Variants in TTN observed in about 807,000 individuals in gnomAD.
The protein encoded by TTN is connectin.
TTN carries 1,525 observed loss-of-function variants against 3,223.0 expected under a neutral mutation model. That is an observed-to-expected ratio of 0.47 (90% CI 0.45 to 0.49). The LOEUF (loss-of-function observed/expected upper bound fraction) is 0.49, where lower values mean the gene tolerates loss of function less well. Ranked by LOEUF, TTN falls within the 20% of genes least tolerant of loss-of-function variation. The pLI, the probability that TTN is intolerant of heterozygous loss-of-function variation, is 0.00. For synonymous variants in TTN, 14,094 were observed against 15,161.0 expected, an observed-to-expected ratio of 0.93 and a Z score of 5.17; for missense variants, 40,786 against 43,424.0, an observed-to-expected ratio of 0.94 and a Z score of 5.40.
chr2:178,784,308 A>G lies in TTN; in HGVS notation c.2537T>C (p.Leu846Ser), dbSNP rs761010117. ...CTTCTGAGCAGAAGATGTGGCTGACAACTCTTTTTGTAATGTGGCAATAGC... is the reference window on the plus strand; with the variant it reads ...CTTCTGAGCAGAAGATGTGGCTGACGACTCTTTTTGTAATGTGGCAATAGC... ...GSAIATLQKE[L>S]SATSSAQKIT... The change falls in exon 16 of 363, where the codon TTG becomes TCG. Residue 846 changes from leucine (L) to serine (S), a missense_variant. Coordinates refer to ENST00000589042, the MANE Select transcript of TTN (RefSeq NM_001267550.2). The G allele has an allele frequency of 6.2e-7, 1 of 1,614,144 alleles. No homozygotes were observed. The highest frequency in any genetic ancestry group is 1.7e-5 in the Admixed American group (1 of 60,022).
In TTN at chr2:178,735,736, T is replaced by C; in HGVS notation, c.14710A>G (p.Lys4904Glu). Residue 4904 changes from lysine (K) to glutamate (E), a missense_variant, in exon 50 of 363, where the codon AAG becomes GAG. By Grantham distance (56) the Lys-to-Glu change is moderately conservative. Transcript: ENST00000589042. ...TCTACTTGGCACTCAAGGTGGACCTTCTTATTGATAGCGGACTGCACAGGC... is the reference window on the plus strand; with the variant it reads ...TCTACTTGGCACTCAAGGTGGACCTCCTTATTGATAGCGGACTGCACAGGC... Reference protein sequence around the residue: ...LEPVQSAINKKVHLECQVDED... With the variant: ...LEPVQSAINKEVHLECQVDED... The C allele has an allele frequency of 1.9e-6, 3 of 1,613,830 alleles. No individual in the cohort carries two copies. Among genetic ancestry groups the C allele is most frequent in the Non-Finnish European group, 2.5e-6 (3 of 1,179,800 alleles).
At chr2:178,625,141 G>C (rs2058835585) in intron 241 of TTN, 132 bp downstream of exon 241, 21 of 1,307,118 alleles carry the variant, frequency 1.6e-5, no homozygotes, top group Non-Finnish European at 2.2e-5. Context: ...ATGCTAAAAA[G>C]TAAAATCAGA....
chr2:178,650,658 C>A, intron 209 of TTN, 93 bp downstream of exon 209: 1 of 1,194,618 alleles, frequency 8.4e-7, no homozygotes, highest in South Asian at 1.6e-5. Context: ...AGAAAATGAC[C>A]AAGAAATAAT....
chr2:178,582,700 C>T, intron 313 of TTN, 108 bp from the exon 314 acceptor site: 3 of 1,151,010 alleles, frequency 2.6e-6, no homozygotes, highest in South Asian at 2.2e-5. Context: ...CCTATATGAC[C>T]TAGGAGGTTA....
Position 178,617,854 on chromosome 2 carries a change from C to T in TTN, c.47497G>A (p.Val15833Met). ...ACTCCAATTCGATTTTGGGCTCTCA[C>T]TCGGAAACTGTACTCCTGTCCTTCT... is the stretch of plus-strand genomic sequence containing the variant. Reference protein sequence around the residue: ...VVEGQEYSFRVRAQNRIGVGK... With the variant: ...VVEGQEYSFRMRAQNRIGVGK... The change falls in exon 253 of 363, where the codon GTG becomes ATG. Residue 15833 changes from valine (V) to methionine (M), a missense_variant. Coordinates refer to ENST00000589042, the MANE Select transcript of TTN (RefSeq NM_001267550.2). 6.2e-7 allele frequency: 1 copy of T among 1,612,624 alleles called. No homozygotes were observed. The highest frequency in any genetic ancestry group is 8.5e-7 in the Non-Finnish European group (1 of 1,179,092).
chr2:178,692,070 C>G lies in TTN; in HGVS notation c.31708G>C (p.Glu10570Gln). ...GGCACAGGAACTGGCTTTTTCTCCTCTGGCACGGGTTTCTTGGGAACCTCA... is the reference window on the plus strand; with the variant it reads ...GGCACAGGAACTGGCTTTTTCTCCTGTGGCACGGGTTTCTTGGGAACCTCA... ...VPEVPKKPVP[E>Q]EKKPVPVPKK... is the part of the protein sequence containing the mutation. Residue 10570 changes from glutamate to glutamine, a missense_variant, in exon 121 of 363, where the codon GAG becomes CAG. Transcript: ENST00000589042. The G allele has an allele frequency of 6.2e-7, 1 of 1,613,220 alleles. No individual in the cohort carries two copies. Among genetic ancestry groups the G allele is most frequent in the Non-Finnish European group, 8.5e-7 (1 of 1,179,368 alleles).
chr2:178,615,501 A>G lies in TTN; in HGVS notation c.48461-17T>C. ...CAGGTACCGCTACAACATTTGGAAG[A>G]GAGAGTCAGTCTTACACAGGCCACC... On this transcript the variant is annotated splice_polypyrimidine_tract_variant and intron_variant, in intron 258 of 362. Coordinates refer to ENST00000589042, the MANE Select transcript of TTN (RefSeq NM_001267550.2). 1.2e-6 allele frequency: 2 copies of G among 1,610,016 alleles called. No individual in the cohort carries two copies. Among genetic ancestry groups the G allele is most frequent in the Middle Eastern group, 1.7e-4 (1 of 6,028 alleles).
Position 178,597,826 on chromosome 2 carries a change from G to A in TTN, c.57263-7C>T. ...AGCTGAAGGTCAGGTGAAACTGGAA[G>A]CAATTGAAAATTACAAATGTGATTT... is the stretch of plus-strand genomic sequence containing the variant. On this transcript the variant is annotated splice_polypyrimidine_tract_variant and splice_region_variant and intron_variant, in intron 293 of 362. Transcript: ENST00000589042. 1 of 1,612,702 alleles carries A rather than the reference G, an allele frequency of 6.2e-7. No individual in the cohort carries two copies. The highest frequency in any genetic ancestry group is 1.1e-5 in the South Asian group (1 of 90,934).
At chr2:178,527,418 T>G in intron 362 of TTN, 28 bp downstream of exon 362, 1 of 1,602,242 alleles carries the variant, frequency 6.2e-7, no homozygotes, top group Non-Finnish European at 8.5e-7. Context: ...TTGGCTTGTC[T>G]ACCTCTACCA....
intron 132 of TTN, 116 bp from the exon 133 acceptor site, chr2:178,684,198 AAAC>A (rs765862478): frequency 3.3e-5 from 45 of 1,380,144 alleles, no homozygotes; most frequent in East Asian, 3.0e-4. Context: ...TTCAAACATA[AAAC>A]AACAACTGTA....
At position 178,729,379 on chromosome 2, in the gene TTN, G is replaced by C. The variant is rs750180579; in HGVS notation, c.18777C>G (p.Thr6259=). 2 of 1,613,446 alleles carry C rather than the reference G, an allele frequency of 1.2e-6. No individual in the cohort carries two copies. Among genetic ancestry groups the C allele is most frequent in the Non-Finnish European group, 1.7e-6 (2 of 1,179,666 alleles). Reference sequence around the variant, plus strand: ...CCCCAGTGTCTGAAGGGTCACACTTGGTTATATGGAGGTTAAACACAGACA... The same window carrying C: ...CCCCAGTGTCTGAAGGGTCACACTTCGTTATATGGAGGTTAAACACAGACA... ...DRVSVFNLHI[T]KCDPSDTGEY... The change falls in exon 64 of 363, where the codon ACC becomes ACG. Residue 6259 remains threonine (T), a synonymous_variant. Transcript: ENST00000589042.
chr2:178,592,133 C>T lies in TTN; in HGVS notation c.59771G>A (p.Trp19924Ter), dbSNP rs1241711410. Residue 19924 changes from tryptophan (W) to a stop codon, truncating the protein, a stop_gained, in exon 302 of 363, where the codon TGG becomes TAG. Coordinates refer to ENST00000589042, the MANE Select transcript of TTN (RefSeq NM_001267550.2). LOFTEE classifies it high-confidence loss of function. ...VERRDVASAQWSPLSATSKKK... is the reference protein window; with the variant it reads ...VERRDVASAQ ...CTTTGATGTAGCTGAGAGAGGTGAC[C>T]ACTGGGCGCTGGCAACATCTCTCCT... 1 of 1,612,666 alleles carries T rather than the reference C, an allele frequency of 6.2e-7. No individual in the cohort carries two copies. Among genetic ancestry groups the T allele is most frequent in the Non-Finnish European group, 8.5e-7 (1 of 1,179,460 alleles).
chr2:178,604,104 C>T lies in TTN; in HGVS notation c.54583G>A (p.Gly18195Ser), dbSNP rs2054179912. 1.2e-6 allele frequency: 2 copies of T among 1,612,614 alleles called. No individual in the cohort carries two copies. Among genetic ancestry groups the T allele is most frequent in the East Asian group, 4.5e-5 (2 of 44,744 alleles). ...AGCCAGTAGCCAGTAATTGGAGAGC[C>T]ACCATTGTCCAAAGGAGGAGTCCAG... Reference protein sequence around the residue: ...VSWTPPLDNGGSPITGYWLEK... With the variant: ...VSWTPPLDNGSSPITGYWLEK... Residue 18195 changes from glycine to serine, a missense_variant, in exon 282 of 363, where the codon GGC becomes AGC. By Grantham distance (56) the Gly-to-Ser change is moderately conservative (BLOSUM62 0). Transcript: ENST00000589042.
chr2:178,584,293 G>A lies in TTN; in HGVS notation c.65258C>T (p.Thr21753Ile), dbSNP rs748999109. Reference sequence around the variant, plus strand: ...AAACTTACCAACTGGCATTCTTGCAGTTACATATTCTGTGGGTTTGCTGGG... The same window carrying A: ...AAACTTACCAACTGGCATTCTTGCAATTACATATTCTGTGGGTTTGCTGGG... The part of the protein sequence containing the change: ...SPPSKPTEYV[T>I]ARMPVDPPGK... The change falls in exon 311 of 363, where the codon ACT becomes ATT. Residue 21753 changes from threonine (T) to isoleucine (I), a missense_variant. Coordinates refer to ENST00000589042, the MANE Select transcript of TTN (RefSeq NM_001267550.2). The A allele has an allele frequency of 1.9e-6, 3 of 1,569,706 alleles. No individual in the cohort carries two copies. In the East Asian group the frequency reaches 6.8e-5, roughly 36 times the overall value.
intron 344 of TTN, 102 bp downstream of exon 344, chr2:178,545,286 C>A: frequency 8.8e-7 from 1 of 1,129,952 alleles, no homozygotes; most frequent in Non-Finnish European, 1.2e-6. Flanking sequence ...CTTTTCTAGA[C>A]CATTCATAAA....
In TTN at chr2:178,733,050, G is replaced by T. The variant is rs72648936; in HGVS notation, c.16126C>A (p.Leu5376Met). Reference sequence around the variant, plus strand: ...AGGGAGCCTGCAATTTTGCAGTCCAGTCTGCAGGTACCATTAACAACACTA... The same window carrying T: ...AGGGAGCCTGCAATTTTGCAGTCCATTCTGCAGGTACCATTAACAACACTA... ...VDSVVNGTCR[L>M]DCKIAGSLPM... The change falls in exon 55 of 363, where the codon CTG becomes ATG. Residue 5376 changes from leucine to methionine, a missense_variant. By Grantham distance (15) the Leu-to-Met change is conservative (BLOSUM62 2). Coordinates refer to ENST00000589042, the MANE Select transcript of TTN (RefSeq NM_001267550.2). The T allele has an allele frequency of 1.2e-4, 188 of 1,613,118 alleles. 3 individuals are homozygous for T. The highest frequency in any genetic ancestry group is 6.5e-5 in the Non-Finnish European group (77 of 1,179,570).
At chr2:178,604,386 T>G in intron 281 of TTN, 81 bp from the exon 282 acceptor site, 1 of 1,138,692 alleles carries the variant, frequency 8.8e-7, no homozygotes, top group Non-Finnish European at 1.2e-6. Flanking sequence ...CAACTTATTT[T>G]GGGAGGGATG....
chr2:178,584,183 T>C, intron 311 of TTN, 93 bp downstream of exon 311: 2 of 1,390,124 alleles, frequency 1.4e-6, no homozygotes, highest in Non-Finnish European at 1.9e-6. Context: ...TACTACTCTC[T>C]GTGTCTTGGA....
intron 121 of TTN, among the ~76,000 whole-genome samples, chr2:178,691,334 A>G (rs924354657): frequency 2.0e-5 from 3 of 152,160 alleles, no homozygotes; most frequent in African/African-American, 7.2e-5. Flanking sequence ...AAAAAATCCC[A>G]AACAAACCAA....
Sources: allele counts gnomAD v4.1 joint callset (sites outside exome capture counted in the v4.1 genomes callset), GRCh38; gene constraint gnomAD v4.1.1; transcripts MANE v1.5; gene names NCBI Gene and HGNC (gene_info 2026-07-23, HGNC 2026-07-21).